Variants in OCA2 observed in about 807,000 individuals in gnomAD.
OCA2 encodes the protein P protein.
A neutral mutation model predicts 100.2 loss-of-function variants in OCA2; 77 were observed. The observed-to-expected ratio is 0.77, with a 90% CI of 0.64 to 0.93. The LOEUF (loss-of-function observed/expected upper bound fraction) is 0.93. OCA2 is among the 40% of genes least tolerant of loss of function. The pLI is 0.00. For missense variants in OCA2, 1,062 were observed against 1,089.1 expected, an observed-to-expected ratio of 0.98 and a Z score of 0.35; for synonymous variants, 432 against 439.2, an observed-to-expected ratio of 0.98 and a Z score of 0.21.
chr15:28,009,928 C>T (rs1362179570), intron 9 of OCA2, among the ~76,000 whole-genome samples: 1 of 152,050 alleles, frequency 6.6e-6, no homozygotes, highest in Non-Finnish European at 1.5e-5. Context: ...AAACTGAAAA[C>T]ACTACAGATC....
At chr15:27,869,651 G>A (rs2036463468) in intron 21 of OCA2, among the ~76,000 whole-genome samples, 1 of 152,196 alleles carries the variant, frequency 6.6e-6, no homozygotes, top group Non-Finnish European at 1.5e-5. Flanking sequence ...CCCCCCAGAG[G>A]TGGGGTTCAG....
At chr15:28,033,633 G>A (rs546615230) in intron 2 of OCA2, among the ~76,000 whole-genome samples, 72 of 152,300 alleles carry the variant, frequency 4.7e-4, no homozygotes, top group African/African-American at 1.7e-3. Context: ...TCTCCTCAGA[G>A]ACTTAACGGC....
intron 23 of OCA2, among the ~76,000 whole-genome samples, chr15:27,797,878 C>T (rs1158680435): frequency 2.0e-5 from 3 of 152,126 alleles, no homozygotes; most frequent in African/African-American, 2.4e-5. Context: ...ATGTTGGCCA[C>T]GCTAGAGTCT....
intron 21 of OCA2, among the ~76,000 whole-genome samples, chr15:27,860,746 C>A (rs949033651): frequency 6.6e-6 from 1 of 152,324 alleles, no homozygotes; most frequent in East Asian, 1.9e-4. Flanking sequence ...CTGTGAGTAG[C>A]ATAGTGATGG....
intron 23 of OCA2, among the ~76,000 whole-genome samples, chr15:27,768,671 A>G (rs758510883): frequency 6.6e-5 from 10 of 152,158 alleles, no homozygotes; most frequent in Admixed American, 3.9e-4. Flanking sequence ...TAAACTTTAT[A>G]TTTAGTCATG....
At chr15:27,959,058 G>C (rs1047480172) in intron 15 of OCA2, among the ~76,000 whole-genome samples, 2 of 152,224 alleles carry the variant, frequency 1.3e-5, no homozygotes, top group Admixed American at 1.3e-4. Flanking sequence ...GTTAGGCAGA[G>C]GGAGGCAGTC....
At chr15:27,831,541 T>C (rs1358847576) in intron 23 of OCA2, among the ~76,000 whole-genome samples, 3 of 152,172 alleles carry the variant, frequency 2.0e-5, no homozygotes, top group African/African-American at 7.2e-5. Flanking sequence ...CGTGGTGCCA[T>C]GGTGACTGGC....
rs1456353619 is a variant in OCA2 at position 27,968,853 on chromosome 15, G to A, written c.1504-2031C>T. Among the ~76,000 whole-genome samples the A allele has an allele frequency of 2.0e-5, 3 of 152,060 alleles. No homozygotes were observed. The South Asian group carries it at 6.2e-4, about 32-fold the overall frequency. ...ATATAGAAGAATTCACCACTTTCCC[G>A]ATAGTTCTTCAATGGGGGTATTACA... is the stretch of plus-strand genomic sequence containing the variant. On this transcript the variant is annotated intron_variant, in intron 14 of 23. Coordinates refer to ENST00000354638, the MANE Select transcript of OCA2 (RefSeq NM_000275.3).
At chr15:27,804,027 T>C (rs75385293) in intron 23 of OCA2, among the ~76,000 whole-genome samples, 2,815 of 152,310 alleles carry the variant, frequency 0.018, 75 homozygotes, top group African/African-American at 0.063. Flanking sequence ...GGGGTACATA[T>C]GTGAAAACTT....
intron 23 of OCA2, among the ~76,000 whole-genome samples, chr15:27,779,652 T>A (rs1027702500): frequency 6.6e-6 from 1 of 152,218 alleles, no homozygotes; most frequent in Non-Finnish European, 1.5e-5. Flanking sequence ...ATATGTGTCC[T>A]TAAATTTAAA....
chr15:27,780,380 A>C (rs959881811), intron 23 of OCA2, among the ~76,000 whole-genome samples: 1 of 152,186 alleles, frequency 6.6e-6, no homozygotes, highest in African/African-American at 2.4e-5. Flanking sequence ...CCTGGCTTCC[A>C]GCAAGGGCAC....
intron 4 of OCA2, among the ~76,000 whole-genome samples, chr15:28,027,041 C>T (rs1272979859): frequency 6.6e-6 from 1 of 152,214 alleles, no homozygotes; most frequent in Non-Finnish European, 1.5e-5. Flanking sequence ...CCACTGGTCC[C>T]GGCTCCAAAA....
intron 23 of OCA2, among the ~76,000 whole-genome samples, chr15:27,809,183 CA>C (rs2033979887): frequency 6.6e-6 from 1 of 152,220 alleles, no homozygotes; most frequent in African/African-American, 2.4e-5. Flanking sequence ...CCATTTTGGA[CA>C]ATGCTGAAGC....
At chr15:27,926,024 A>G in intron 19 of OCA2, 103 bp downstream of exon 19, 2 of 1,350,958 alleles carry the variant, frequency 1.5e-6, no homozygotes, top group Non-Finnish European at 2.1e-6. Context: ...CTTAGAGAAT[A>G]TAAGGAAAGA....
At chr15:27,722,943 G>A in the OCA2 span, among the ~76,000 whole-genome samples, 3 of 151,744 alleles carry the variant, frequency 2.0e-5, no homozygotes, top group Admixed American at 1.3e-4. Flanking sequence ...CCTGACTCAA[G>A]CGATTCTCCT....
intron 23 of OCA2, among the ~76,000 whole-genome samples, chr15:27,788,626 A>C (rs2032932581): frequency 6.6e-6 from 1 of 152,068 alleles, no homozygotes; most frequent in African/African-American, 2.4e-5. Flanking sequence ...TAAATATGTA[A>C]ACAGATTAGA....
intron 14 of OCA2, among the ~76,000 whole-genome samples, chr15:27,972,929 A>C (rs2040851868): frequency 6.7e-6 from 1 of 150,298 alleles, no homozygotes; most frequent in Non-Finnish European, 1.5e-5. Context: ...GCAGTGGTGC[A>C]ATCTCGGCTC....
At chr15:27,874,494 C>A (rs75344350) in intron 19 of OCA2, among the ~76,000 whole-genome samples, 2,449 of 152,226 alleles carry the variant, frequency 0.016, 58 homozygotes, top group African/African-American at 0.052. Context: ...CCACAGAATA[C>A]GATGAAGTGA....
At chr15:27,725,534 C>G in the OCA2 span, among the ~76,000 whole-genome samples, 1 of 152,228 alleles carries the variant, frequency 6.6e-6, no homozygotes, top group Non-Finnish European at 1.5e-5. Context: ...TGCCACTGCA[C>G]TCCAGCCTGG....
Sources: allele counts gnomAD v4.1 joint callset (sites outside exome capture counted in the v4.1 genomes callset), GRCh38; gene constraint gnomAD v4.1.1; transcripts MANE v1.5; gene names NCBI Gene and HGNC (gene_info 2026-07-23, HGNC 2026-07-21).